Variants in IKBKB observed in about 807,000 individuals in gnomAD.
IKBKB encodes the protein inhibitor of nuclear factor kappa B kinase subunit beta, also known as inhibitor of nuclear factor kappa-B kinase subunit beta.
A neutral mutation model predicts 113.6 loss-of-function variants in IKBKB; 42 were observed. That is an observed-to-expected ratio of 0.37 (90% confidence interval 0.29 to 0.48). IKBKB has a LOEUF of 0.48. IKBKB is among the 20% of genes least tolerant of loss of function. The pLI is 0.99. For missense variants in IKBKB, 673 were observed against 939.7 expected (o/e 0.72, Z 3.71); for synonymous variants, 296 against 361.3 (o/e 0.82, Z 2.05).
intron 2 of IKBKB, among the ~76,000 whole-genome samples, chr8:42,281,138 G>A (rs1018486354): frequency 2.6e-5 from 4 of 152,142 alleles, no homozygotes; most frequent in Admixed American, 1.3e-4. Flanking sequence ...TTCCCTGTCC[G>A]CATGATCTCT....
In IKBKB at chr8:42,314,386, G is replaced by T. The variant is rs140074007; in HGVS notation, c.757G>T (p.Val253Leu). Reference protein sequence around the residue: ...IVVSEDLNGTVKFSSSLPYPN... With the variant: ...IVVSEDLNGTLKFSSSLPYPN... Reference sequence around the variant, plus strand: ...TGTTAGCGAAGACTTGAATGGAACGGTGAAGTTTTCAAGCTCTTTACCCTA... The same window carrying T: ...TGTTAGCGAAGACTTGAATGGAACGTTGAAGTTTTCAAGCTCTTTACCCTA... The change falls in exon 9 of 22, where the codon GTG becomes TTG. Residue 253 changes from valine (V) to leucine (L), a missense_variant. By Grantham distance (32) the Val-to-Leu change is conservative (BLOSUM62 1). Transcript: ENST00000520810. The T allele has an allele frequency of 6.2e-7, 1 of 1,613,702 alleles. No homozygotes were observed. The highest frequency in any genetic ancestry group is 1.3e-5 in the African/African-American group (1 of 74,934).
At chr8:42,330,145 A>G (rs1821499502) in intron 21 of IKBKB, 1 of 985,246 alleles carries the variant, frequency 1.0e-6, no homozygotes, top group Admixed American at 6.2e-5. Flanking sequence ...GAGATTAGCT[A>G]CCCACAGTGA....
rs895762393 is a variant in IKBKB at position 42,288,834 on chromosome 8, A to AGCACT, written c.200+107_200+111dup. On this transcript the variant is annotated intron_variant, in intron 3 of 21. Transcript: ENST00000520810. ...GTGCGTGGCTCACGCCTGTAATCCT[A>AGCACT]GCACTTTGGAAGGCCAAGGCGGGCA... 29 of 853,022 alleles carry AGCACT rather than the reference A, an allele frequency of 3.4e-5. No individual in the cohort carries two copies. The African/African-American group carries it at 4.9e-4, about 15-fold the overall frequency. The allele number at this position is 853,022 out of a possible 1,614,324, so 52.8% of individuals were successfully genotyped here.
chr8:42,319,822 G>C, intron 15 of IKBKB, 176 bp downstream of exon 15: 1 of 584,610 alleles, frequency 1.7e-6, no homozygotes, highest in Non-Finnish European at 3.0e-6. Flanking sequence ...CCAGTGAAGG[G>C]AGCCCCTCTG....
chr8:42,293,349 A>G, intron 4 of IKBKB, 94 bp from the exon 5 acceptor site: 3 of 1,500,586 alleles, frequency 2.0e-6, no homozygotes, highest in African/African-American at 1.4e-5. Context: ...GCCCAGGGTC[A>G]GCACTCTGGT....
In IKBKB at chr8:42,326,093, A is replaced by G; in HGVS notation, c.2110A>G (p.Lys704Glu). 6.2e-7 allele frequency: 1 copy of G among 1,614,208 alleles called. No homozygotes were observed. Among genetic ancestry groups the G allele is most frequent in the Non-Finnish European group, 8.5e-7 (1 of 1,180,030 alleles). The change falls in exon 20 of 22, where the codon AAG becomes GAG. Residue 704 changes from lysine (K) to glutamate (E), a missense_variant. Physicochemically the swap from Lys to Glu is moderately conservative, Grantham distance 56. Around this residue, in one of 2 missense-constraint regions of IKBKB, gnomAD observed 506 missense variants for 638.7 expected, o/e 0.79. Coordinates refer to ENST00000520810, the MANE Select transcript of IKBKB (RefSeq NM_001556.3). The stretch of plus-strand genomic sequence containing the variant: ...CAACAGCTTACCTGAGCCAGCCAAG[A>G]AGAGGTAGGTCCTCCTTAGCAGTGC... ...ASNSLPEPAK[K>E]SEELVAEAHN...
intron 2 of IKBKB, among the ~76,000 whole-genome samples, chr8:42,286,264 G>A (rs1040408513): frequency 2.0e-5 from 3 of 152,070 alleles, no homozygotes; most frequent in Admixed American, 6.6e-5. Context: ...TTGGTTCTTG[G>A]TGTCGGTGTT....
chr8:42,319,733 C>T (rs1819414189), intron 15 of IKBKB, 87 bp downstream of exon 15: 23 of 1,109,844 alleles, frequency 2.1e-5, no homozygotes, highest in South Asian at 4.6e-5. Context: ...AACACTGGGT[C>T]GATCTCTGTC....
intron 2 of IKBKB, among the ~76,000 whole-genome samples, chr8:42,274,997 C>G (rs1318629952): frequency 1.3e-5 from 2 of 151,950 alleles, no homozygotes; most frequent in African/African-American, 4.8e-5. Flanking sequence ...CAGCCTCAGC[C>G]TCCCAAGTAG....
In IKBKB at chr8:42,317,608, A is replaced by G. The variant is rs778022351; in HGVS notation, c.1126-49A>G. 12 of 1,232,056 alleles carry G rather than the reference A, an allele frequency of 9.7e-6. No individual in the cohort carries two copies. The East Asian group carries it at 2.3e-4, about 24-fold the overall frequency. The allele number at this position is 1,232,056 out of a possible 1,614,324, so 76.3% of individuals were successfully genotyped here. On this transcript the variant is annotated intron_variant, in intron 11 of 21. Coordinates refer to ENST00000520810, the MANE Select transcript of IKBKB (RefSeq NM_001556.3). ...GGAACTTCTTCATTATCAGTTAGAAAAGAGAGGGTTGGATCCACAAGATTC... is the reference window on the plus strand; with the variant it reads ...GGAACTTCTTCATTATCAGTTAGAAGAGAGAGGGTTGGATCCACAAGATTC...
In IKBKB at chr8:42,316,704, T is replaced by C. The variant is rs1818747535; in HGVS notation, c.931-6T>C. On this transcript the variant is annotated splice_region_variant and splice_polypyrimidine_tract_variant and intron_variant, in intron 10 of 21. Coordinates refer to ENST00000520810, the MANE Select transcript of IKBKB (RefSeq NM_001556.3). This position sits in a 1 kb window ranked among gnomAD's most constrained non-coding sequence, Gnocchi z 4.5. ...GTTTTCCAGTAACATCTGGGTTGTG[T>C]TGCAGCTGGTTCATATCTTGAACAT... The C allele has an allele frequency of 3.7e-6, 6 of 1,608,322 alleles. No individual in the cohort carries two copies. Among genetic ancestry groups the C allele is most frequent in the Non-Finnish European group, 5.1e-6 (6 of 1,175,510 alleles).
At chr8:42,296,687 C>T (rs1813909177) in intron 5 of IKBKB, among the ~76,000 whole-genome samples, 1 of 151,682 alleles carries the variant, frequency 6.6e-6, no homozygotes, top group African/African-American at 2.4e-5. Context: ...TCAAATAAAT[C>T]CTAAAGGAAA....
chr8:42,308,771 C>G (rs189871853), intron 7 of IKBKB, 130 bp from the exon 8 acceptor site: 8 of 807,448 alleles, frequency 9.9e-6, no homozygotes, highest in Admixed American at 2.3e-5. Flanking sequence ...GTGCCCTCCT[C>G]GCCCTGCATG....
chr8:42,272,939 CAAAAA>C (rs71221204), intron 2 of IKBKB, among the ~76,000 whole-genome samples: 1 of 51,580 alleles, frequency 1.9e-5, no homozygotes, highest in Non-Finnish European at 4.1e-5. Context: ...GACTCCGTCT[CAAAAA>C]AAAAAAAAAA....
intron 4 of IKBKB, among the ~76,000 whole-genome samples, chr8:42,291,679 A>T (rs920581648): frequency 6.6e-6 from 1 of 151,940 alleles, no homozygotes. Context: ...TTTTTTTTCC[A>T]CTTTGGAAAG....
At chr8:42,323,845 A>C (rs942654298) in intron 19 of IKBKB, among the ~76,000 whole-genome samples, 10 of 152,176 alleles carry the variant, frequency 6.6e-5, no homozygotes, top group Non-Finnish European at 1.5e-4. Flanking sequence ...TGTGCCATCT[A>C]CATCCATTGA....
At chr8:42,313,173 G>A (rs1392566854) in intron 8 of IKBKB, among the ~76,000 whole-genome samples, 2 of 152,100 alleles carry the variant, frequency 1.3e-5, no homozygotes, top group Admixed American at 6.6e-5. Context: ...TTTACTGGCC[G>A]GGCACTGTGG....
intron 5 of IKBKB, among the ~76,000 whole-genome samples, chr8:42,295,677 G>A (rs2130387179): frequency 6.6e-6 from 1 of 151,854 alleles, no homozygotes; most frequent in South Asian, 2.1e-4. Flanking sequence ...AGTAAGCCGA[G>A]ATTGCACCAT....
intron 19 of IKBKB, among the ~76,000 whole-genome samples, chr8:42,324,329 A>G (rs985990797): frequency 6.6e-6 from 1 of 152,110 alleles, no homozygotes; most frequent in Non-Finnish European, 1.5e-5. Context: ...CAGCTGCTCA[A>G]TCTCAGTTCA....
Sources: allele counts gnomAD v4.1 joint callset (sites outside exome capture counted in the v4.1 genomes callset), GRCh38; gene constraint gnomAD v4.1.1; regional missense constraint gnomAD v4.1.1; non-coding constraint Gnocchi (gnomAD v3.1); transcripts MANE v1.5; gene names NCBI Gene and HGNC (gene_info 2026-07-23, HGNC 2026-07-21).